Variants in PGR observed in about 807,000 individuals in gnomAD.
PGR encodes progesterone receptor.
Under a neutral mutation model 76.1 loss-of-function variants are expected in PGR, and 25 were observed. That is an observed-to-expected ratio of 0.33 (90% CI 0.24 to 0.46). The LOEUF (loss-of-function observed/expected upper bound fraction) is 0.46, where lower values mean the gene tolerates loss of function less well. PGR is among the 20% of genes least tolerant of loss of function. The probability of loss-of-function intolerance (pLI) is 1.00; values close to 1 mark genes in which losing one functional copy is unlikely to be tolerated. For missense variants in PGR, 1,172 were observed against 1,225.3 expected, an observed-to-expected ratio of 0.96 and a Z score of 0.65; for synonymous variants, 579 against 535.0, an observed-to-expected ratio of 1.08 and a Z score of -1.14.
rs555595007 is a variant in PGR at position 101,088,068 on chromosome 11, C to T, written c.1906+3692G>A. Among the ~76,000 whole-genome samples the T allele has an allele frequency of 2.4e-4, 37 of 151,748 alleles. No individual in the cohort carries two copies. The South Asian group carries it at 3.1e-3, about 13-fold the overall frequency. On this transcript the variant is annotated intron_variant, in intron 3 of 7. Coordinates refer to ENST00000325455, the MANE Select transcript of PGR (RefSeq NM_000926.4). Reference sequence around the variant, plus strand: ...AAAAAGTTTGCCAGGTGTGGTGGTGCGTGCCTGTAGTCTCAGCTACTCAGG... The same window carrying T: ...AAAAAGTTTGCCAGGTGTGGTGGTGTGTGCCTGTAGTCTCAGCTACTCAGG...
chr11:101,054,047 G>A (rs1459547458), intron 4 of PGR, among the ~76,000 whole-genome samples: 2 of 152,156 alleles, frequency 1.3e-5, no homozygotes, highest in Non-Finnish European at 1.5e-5. Flanking sequence ...TGTTGGTGGT[G>A]TCCAGATAAT....
chr11:101,104,172 G>A (rs1276098364), intron 2 of PGR, among the ~76,000 whole-genome samples: 4 of 152,180 alleles, frequency 2.6e-5, no homozygotes, highest in Non-Finnish European at 5.9e-5. Context: ...ATAAGGAAGA[G>A]TCATTTTCTA....
intron 3 of PGR, among the ~76,000 whole-genome samples, chr11:101,083,975 T>C (rs1472025862): frequency 6.6e-6 from 1 of 152,110 alleles, no homozygotes; most frequent in Non-Finnish European, 1.5e-5. Flanking sequence ...CAGAATGATA[T>C]GGTTTGGCTC....
At chr11:101,072,285 T>C (rs2135426056) in intron 3 of PGR, among the ~76,000 whole-genome samples, 1 of 152,218 alleles carries the variant, frequency 6.6e-6, no homozygotes, top group Admixed American at 6.5e-5. Flanking sequence ...GCTGAGAGAT[T>C]TTGTCACCAC....
Position 101,127,737 on chromosome 11 carries a change from C to T in PGR, c.1334G>A (p.Ser445Asn). 6.4e-7 allele frequency: 1 copy of T among 1,560,332 alleles called. No individual in the cohort carries two copies. The highest frequency in any genetic ancestry group is 8.6e-7 in the Non-Finnish European group (1 of 1,159,406). The change falls in exon 1 of 8, where the codon AGT becomes AAT. Residue 445 changes from serine (S) to asparagine (N), a missense_variant. Around this residue, in one of 4 missense-constraint regions of PGR, gnomAD observed 893 missense variants for 785.9 expected, o/e 1.14. Coordinates refer to ENST00000325455, the MANE Select transcript of PGR (RefSeq NM_000926.4). ...GEAAVTAAPA[S>N]ASVSSASSSG... ...GGAGGACGCAGACGAGACTGAGGCACTGGCGGGTGCGGCCGTCACCGCCGC... is the reference window on the plus strand; with the variant it reads ...GGAGGACGCAGACGAGACTGAGGCATTGGCGGGTGCGGCCGTCACCGCCGC...
In PGR at chr11:101,062,811, T is replaced by C. The variant is rs187591473; in HGVS notation, c.1907-59A>G. 13 of 1,160,838 alleles carry C rather than the reference T, an allele frequency of 1.1e-5. 1 individual carries two copies. Among genetic ancestry groups the C allele is most frequent in the South Asian group, 6.8e-5 (5 of 73,478 alleles). 71.9% of individuals were successfully genotyped at this position (1,160,838 alleles called of 1,614,324 possible). A position where few individuals can be genotyped will look rare whatever the true frequency, so the allele number is the denominator to read the frequency against. On this transcript the variant is annotated intron_variant, in intron 3 of 7. Coordinates refer to ENST00000325455, the MANE Select transcript of PGR (RefSeq NM_000926.4). ...TATATATAAACTCCATATCCCAGTA[T>C]AGTATTATTTTTCCTAAGTCTTAGA...
At chr11:101,108,653 T>G (rs1043456931) in intron 2 of PGR, among the ~76,000 whole-genome samples, 6 of 152,202 alleles carry the variant, frequency 3.9e-5, no homozygotes, top group Admixed American at 6.5e-5. Context: ...AGAACTGGGT[T>G]TGGTTACCAG....
chr11:101,078,759 T>A (rs1861209746), intron 3 of PGR, among the ~76,000 whole-genome samples: 1 of 152,212 alleles, frequency 6.6e-6, no homozygotes, highest in African/African-American at 2.4e-5. Context: ...AAAATCTATG[T>A]CATGACATGT....
intron 2 of PGR, among the ~76,000 whole-genome samples, chr11:101,094,797 C>T (rs920506058): frequency 6.6e-5 from 10 of 151,952 alleles, no homozygotes; most frequent in African/African-American, 2.4e-4. Context: ...TGTTTGTGTC[C>T]CCTTCAAAAT....
intron 2 of PGR, among the ~76,000 whole-genome samples, chr11:101,103,193 G>A (rs1862049155): frequency 6.6e-6 from 1 of 152,052 alleles, no homozygotes; most frequent in African/African-American, 2.4e-5. Context: ...AGTATGGTAT[G>A]ACCCACAAAT....
intron 3 of PGR, among the ~76,000 whole-genome samples, chr11:101,077,049 T>G (rs900608553): frequency 1.3e-5 from 2 of 151,576 alleles, no homozygotes; most frequent in Non-Finnish European, 2.9e-5. Flanking sequence ...CTATTTAACT[T>G]TTTCTATTAA....
At chr11:101,098,055 C>T (rs576590227) in intron 2 of PGR, among the ~76,000 whole-genome samples, 30 of 152,086 alleles carry the variant, frequency 2.0e-4, no homozygotes, top group African/African-American at 7.2e-4. Flanking sequence ...AGATTACAGG[C>T]GTGAGCCACC....
At chr11:101,107,844 T>C (rs183481908) in intron 2 of PGR, among the ~76,000 whole-genome samples, 101 of 132,290 alleles carry the variant, frequency 7.6e-4, no homozygotes, top group African/African-American at 2.9e-3. Flanking sequence ...ATCTCCCCAG[T>C]CTTACTTGAA....
At chr11:101,091,698 GAC>G (rs1861679518) in intron 3 of PGR, 60 bp downstream of exon 3, 1 of 911,448 alleles carries the variant, frequency 1.1e-6, no homozygotes, top group Admixed American at 1.7e-5. Context: ...GCAATTTTCT[GAC>G]ACACAGTTTT....
chr11:101,078,986 C>T (rs1324404056), intron 3 of PGR, among the ~76,000 whole-genome samples: 1 of 152,122 alleles, frequency 6.6e-6, no homozygotes, highest in Admixed American at 6.5e-5. Flanking sequence ...CATGCATTAA[C>T]AGTCAACTCA....
chr11:101,088,361 T>C (rs1452835174), intron 3 of PGR, among the ~76,000 whole-genome samples: 3 of 152,180 alleles, frequency 2.0e-5, no homozygotes, highest in African/African-American at 7.2e-5. Flanking sequence ...TGAGACAGTC[T>C]CGCTCTGTCG....
Position 101,093,501 on chromosome 11 carries a change from C to A in PGR, c.1790-1625G>T, listed in dbSNP as rs771625953. ...TTCAGACGGAGTTTCGCTCTTGTTG[C>A]CCAGCCTGGAAAGCAAAGGCACAGT... is the stretch of plus-strand genomic sequence containing the variant. On this transcript the variant is annotated intron_variant, in intron 2 of 7. Coordinates refer to ENST00000325455, the MANE Select transcript of PGR (RefSeq NM_000926.4). Among the ~76,000 whole-genome samples, 69 of 152,136 alleles carry A rather than the reference C, an allele frequency of 4.5e-4. 1 individual carries two copies. The highest frequency in any genetic ancestry group is 9.1e-4 in the Non-Finnish European group (62 of 68,028).
Position 101,059,009 on chromosome 11 carries a change from A to C in PGR, c.2212+3438T>G, listed in dbSNP as rs535289723. ...TTACTACCCTATGGGGAGACTATAA[A>C]ATTTTTGATGTTACTAAGGGACCCC... is the stretch of plus-strand genomic sequence containing the variant. On this transcript the variant is annotated intron_variant, in intron 4 of 7. Transcript: ENST00000325455. Among the ~76,000 whole-genome samples the C allele has an allele frequency of 2.0e-5, 3 of 152,178 alleles. No individual in the cohort carries two copies. In the East Asian group the frequency reaches 5.8e-4, roughly 29 times the overall value.
intron 4 of PGR, among the ~76,000 whole-genome samples, chr11:101,054,200 C>A (rs1337666362): frequency 2.6e-5 from 4 of 151,470 alleles, no homozygotes; most frequent in Non-Finnish European, 2.9e-5. Context: ...TTTTCTTTTT[C>A]TTTTGTTTTT....
Sources: allele counts gnomAD v4.1 joint callset (sites outside exome capture counted in the v4.1 genomes callset), GRCh38; gene constraint gnomAD v4.1.1; regional missense constraint gnomAD v4.1.1; transcripts MANE v1.5; gene names NCBI Gene and HGNC (gene_info 2026-07-23, HGNC 2026-07-21).